The following ABTB2 variants were observed in gnomAD, a reference collection of about 807,000 sequenced individuals.
The protein encoded by ABTB2 is ankyrin repeat and BTB/POZ domain-containing protein 2.
A neutral mutation model predicts 104.1 loss-of-function variants in ABTB2; 56 were observed. The ratio of observed to expected loss-of-function variants is 0.54; its 90% confidence interval spans 0.43 to 0.67. The LOEUF is 0.67. Ranked by LOEUF, ABTB2 falls within the 30% of genes least tolerant of loss-of-function variation. The pLI is 0.00. For missense variants in ABTB2, 1,279 were observed against 1,407.7 expected, an observed-to-expected ratio of 0.91 and a Z score of 1.46; for synonymous variants, 606 against 608.2, an observed-to-expected ratio of 1.00 and a Z score of 0.05.
At chr11:34,242,869 C>G (rs1260118134) in intron 1 of ABTB2, among the ~76,000 whole-genome samples, 3 of 152,164 alleles carry the variant, frequency 2.0e-5, no homozygotes, top group African/African-American at 7.2e-5. Context: ...GGAGCTGAAC[C>G]TTAGAGAAGT....
At chr11:34,170,860 C>G (rs1185389523) in intron 5 of ABTB2, 46 bp downstream of exon 5, 2 of 1,590,990 alleles carry the variant, frequency 1.3e-6, no homozygotes, top group Non-Finnish European at 1.7e-6. Flanking sequence ...TGAGAATTCC[C>G]AACTCTGGTC....
chr11:34,222,106 A>G (rs1374819567), intron 1 of ABTB2, among the ~76,000 whole-genome samples: 1 of 152,210 alleles, frequency 6.6e-6, no homozygotes, highest in Non-Finnish European at 1.5e-5. Context: ...AAGGTGGGAC[A>G]ACTTGAAGCA....
chr11:34,253,739 G>A (rs1478349005), intron 1 of ABTB2, among the ~76,000 whole-genome samples: 2 of 151,576 alleles, frequency 1.3e-5, no homozygotes, highest in Non-Finnish European at 2.9e-5. Context: ...GAAGCAAAAT[G>A]TCTGTAGTTA....
chr11:34,317,761 C>CAAA (rs772418965), intron 1 of ABTB2, among the ~76,000 whole-genome samples: 60,680 of 125,020 alleles, frequency 0.49, 14,695 homozygotes, highest in Middle Eastern at 0.62. Context: ...AATCCTGTCT[C>CAAA]AAAAAAAAAA....
At chr11:34,266,257 A>AT (rs912103678) in intron 1 of ABTB2, among the ~76,000 whole-genome samples, 1 of 151,682 alleles carries the variant, frequency 6.6e-6, no homozygotes, top group Non-Finnish European at 1.5e-5. Context: ...AAATTGTTAC[A>AT]TTTTTTTCGG....
intron 1 of ABTB2, among the ~76,000 whole-genome samples, chr11:34,314,310 A>G (rs929476962): frequency 1.3e-5 from 2 of 152,152 alleles, no homozygotes; most frequent in Non-Finnish European, 2.9e-5. Context: ...GGCTTCTGCA[A>G]CCTGTTCACT....
intron 1 of ABTB2, chr11:34,335,336 G>T (rs1855180939): frequency 4.0e-6 from 4 of 993,678 alleles, no homozygotes; most frequent in African/African-American, 1.5e-5. Context: ...GGTCAGTAAA[G>T]TCAGCCCAAT....
intron 11 of ABTB2, among the ~76,000 whole-genome samples, chr11:34,160,658 C>A (rs1443872152): frequency 1.2e-5 from 1 of 86,836 alleles, no homozygotes. Context: ...GGCGAGCGTG[C>A]ACGCGCGCGC....
At chr11:34,191,573 A>C (rs541399164) in intron 3 of ABTB2, among the ~76,000 whole-genome samples, 72 of 152,290 alleles carry the variant, frequency 4.7e-4, no homozygotes, top group South Asian at 4.1e-4. Context: ...GCAGAACTAC[A>C]TATCAGACTT....
intron 1 of ABTB2, among the ~76,000 whole-genome samples, chr11:34,218,631 C>G (rs1853575633): frequency 6.6e-6 from 1 of 151,946 alleles, no homozygotes; most frequent in Non-Finnish European, 1.5e-5. Flanking sequence ...GGGCAGATCA[C>G]CTGAGGTCGG....
At chr11:34,299,141 G>T (rs1205204295) in intron 1 of ABTB2, among the ~76,000 whole-genome samples, 1 of 152,192 alleles carries the variant, frequency 6.6e-6, no homozygotes, top group Non-Finnish European at 1.5e-5. Flanking sequence ...GGAATGGCTG[G>T]TGATTGTAAA....
intron 1 of ABTB2, among the ~76,000 whole-genome samples, chr11:34,229,019 T>C (rs183512699): frequency 6.7e-6 from 1 of 148,200 alleles, no homozygotes; most frequent in African/African-American, 2.5e-5. Context: ...CTCGGGAGGC[T>C]GAGGCAGGAG....
At chr11:34,169,139 T>C (rs1202523663) in intron 5 of ABTB2, among the ~76,000 whole-genome samples, 1 of 152,208 alleles carries the variant, frequency 6.6e-6, no homozygotes, top group Admixed American at 6.5e-5. Flanking sequence ...TGGCTTTGTT[T>C]CATCTCCCTG....
At chr11:34,255,046 C>T (rs1358628702) in intron 1 of ABTB2, among the ~76,000 whole-genome samples, 3 of 152,124 alleles carry the variant, frequency 2.0e-5, no homozygotes, top group Non-Finnish European at 4.4e-5. Flanking sequence ...GGCATAAAGC[C>T]AAATTTTGCA....
rs913188336 is a variant in ABTB2, at chr11:34,161,078, A to G, written c.2222T>C (p.Val741Ala). ...GATCCAGATGTGCAGCTTCCAGGGG[A>G]CTCCTGGTCCAGGCAGGGAAGGGCA... is the stretch of plus-strand genomic sequence containing the variant. ...DITMELRALGVPWKLHIWIES... is the reference protein window; with the variant it reads ...DITMELRALGAPWKLHIWIES... The change falls in exon 11 of 17, where the codon GTC becomes GCC. Residue 741 changes from valine to alanine, a missense_variant. By Grantham distance (64) the Val-to-Ala change is moderately conservative (BLOSUM62 0). Transcript: ENST00000435224. 14 of 1,601,458 alleles carry G rather than the reference A, an allele frequency of 8.7e-6. No individual in the cohort carries two copies. Among genetic ancestry groups the G allele is most frequent in the Admixed American group, 1.7e-5 (1 of 58,810 alleles).
At chr11:34,325,828 G>A (rs538830032) in intron 1 of ABTB2, among the ~76,000 whole-genome samples, 7 of 152,016 alleles carry the variant, frequency 4.6e-5, no homozygotes, top group African/African-American at 1.7e-4. Context: ...GCACATGCCC[G>A]TAATCCCAGC....
intron 1 of ABTB2, among the ~76,000 whole-genome samples, chr11:34,226,438 C>G (rs1448224970): frequency 6.6e-6 from 1 of 152,068 alleles, no homozygotes; most frequent in Non-Finnish European, 1.5e-5. Context: ...TGAACAAGTG[C>G]AGACTACAGG....
Position 34,170,938 on chromosome 11 carries a change from C to T in ABTB2, c.1531G>A (p.Gly511Ser). The T allele has an allele frequency of 6.2e-7, 1 of 1,614,146 alleles. No individual in the cohort carries two copies. Among genetic ancestry groups the T allele is most frequent in the South Asian group, 1.1e-5 (1 of 91,082 alleles). Residue 511 changes from glycine (G) to serine (S), a missense_variant, in exon 5 of 17, where the codon GGT becomes AGT. Gly to Ser is a moderately conservative substitution (Grantham distance 56). Coordinates refer to ENST00000435224, the MANE Select transcript of ABTB2 (RefSeq NM_145804.3). ...DLINQAIEAL[G>S]PDGVNTMDDQ... ...TCCATGGTGTTAACCCCATCCGGAC[C>T]CAAGGCCTCGATGGCTTGGTTGATG...
intron 3 of ABTB2, among the ~76,000 whole-genome samples, chr11:34,188,644 G>A (rs781637528): frequency 1.7e-4 from 26 of 152,330 alleles, no homozygotes; most frequent in Admixed American, 2.6e-4. Context: ...GAGGAAAGGA[G>A]AGAAAAGAGC....
Sources: gnomAD v4.1 joint callset for allele counts (sites outside exome capture counted in the v4.1 genomes callset) on GRCh38, gnomAD v4.1.1 for gene constraint, MANE v1.5 for transcripts, NCBI Gene and HGNC (gene_info 2026-07-23, HGNC 2026-07-21) for gene names.